MEIOB: variants seen among roughly 807,000 people sequenced by gnomAD.
MEIOB encodes meiosis-specific with OB domain-containing protein.
In MEIOB, 50 loss-of-function variants were observed where a neutral mutation model predicts 53.1. That is an observed-to-expected ratio of 0.94 (90% CI 0.75 to 1.19). MEIOB has a LOEUF of 1.19. MEIOB is among the 50% of genes most tolerant of loss of function. MEIOB has a pLI of 0.00. For synonymous variants in MEIOB, 192 were observed against 182.5 expected, an observed-to-expected ratio of 1.05 and a Z score of -0.42; for missense variants, 551 against 550.8, an observed-to-expected ratio of 1.00 and a Z score of 0.00.
At chr16:1,846,336 C>T (rs62038436) in intron 9 of MEIOB, among the ~76,000 whole-genome samples, 3 of 151,848 alleles carry the variant, frequency 2.0e-5, no homozygotes, top group African/African-American at 4.8e-5. Flanking sequence ...CTGACAATAG[C>T]GTTATCCTGA....
rs1386904236 is a variant in MEIOB, at chr16:1,857,754, A to T, written c.509T>A (p.Val170Glu). ...GHSLNGRIIN[V>E]LAAVKSVGEP... ...ACTTACCGATTTCACAGCTGCAAGC[A>T]CGTTAATAATCCTCCCATTAAGACT... The change falls in exon 6 of 14, where the codon GTG becomes GAG. Residue 170 changes from valine to glutamate, a missense_variant. Physicochemically the swap from Val to Glu is moderately radical, Grantham distance 121 (BLOSUM62 -2). Coordinates refer to ENST00000325962, the MANE Select transcript of MEIOB (RefSeq NM_001163560.3). 3.2e-6 allele frequency: 5 copies of T among 1,551,402 alleles called. No homozygotes were observed. The highest frequency in any genetic ancestry group is 4.4e-6 in the Non-Finnish European group (5 of 1,146,928).
At chr16:1,856,758 CCTT>C (rs779796901) in intron 6 of MEIOB, among the ~76,000 whole-genome samples, 3,351 of 104,198 alleles carry the variant, frequency 0.032, 65 homozygotes, top group Non-Finnish European at 0.046. Context: ...CCACGCCAGG[CCTT>C]TTTTTTTTTT....
rs181558302 is a variant in MEIOB at position 1,861,493 on chromosome 16, T to C, written c.259+492A>G. ...TTTAGTAAAAATATAACTATCACATTTGTATGCTTCAAATAACATTCTGAA... is the reference window on the plus strand; with the variant it reads ...TTTAGTAAAAATATAACTATCACATCTGTATGCTTCAAATAACATTCTGAA... On this transcript the variant is annotated intron_variant, in intron 4 of 13. Transcript: ENST00000325962. 3.3e-5 allele frequency among the ~76,000 whole-genome samples: 5 copies of C among 152,072 alleles called. No homozygotes were observed. In the East Asian group the frequency reaches 9.6e-4, roughly 29 times the overall value.
At chr16:1,865,981 C>T in intron 2 of MEIOB, 146 bp from the exon 3 acceptor site, 1 of 596,458 alleles carries the variant, frequency 1.7e-6, no homozygotes, top group Non-Finnish European at 2.9e-6. Flanking sequence ...AGGCAAACAT[C>T]TAAAAGAAGT....
chr16:1,865,407 G>A (rs184313078), intron 3 of MEIOB, among the ~76,000 whole-genome samples: 14 of 148,414 alleles, frequency 9.4e-5, no homozygotes, highest in African/African-American at 3.2e-4. Context: ...ACTCCAGCCT[G>A]AGTGACAGAG....
At chr16:1,855,753 T>A (rs962219876) in intron 6 of MEIOB, among the ~76,000 whole-genome samples, 7 of 152,158 alleles carry the variant, frequency 4.6e-5, no homozygotes, top group Non-Finnish European at 7.3e-5. Flanking sequence ...TTCAAGATGA[T>A]CATATAGCGG....
intron 9 of MEIOB, among the ~76,000 whole-genome samples, chr16:1,847,069 A>C (rs62038441): frequency 0.18 from 26,531 of 151,588 alleles, 2,419 homozygotes; most frequent in South Asian, 0.26. Context: ...GCAGGGGAAT[A>C]ACTTGAACCC....
intron 9 of MEIOB, among the ~76,000 whole-genome samples, chr16:1,847,984 G>GT (rs1899066438): frequency 6.6e-6 from 1 of 152,004 alleles, no homozygotes; most frequent in Non-Finnish European, 1.5e-5. Flanking sequence ...GTCTTGCTCT[G>GT]TCACCGAGGC....
intron 9 of MEIOB, among the ~76,000 whole-genome samples, chr16:1,849,937 C>G (rs1469474201): frequency 3.3e-5 from 5 of 152,076 alleles, no homozygotes; most frequent in African/African-American, 1.2e-4. Flanking sequence ...ATACATATTT[C>G]AAAACAACAT....
intron 6 of MEIOB, among the ~76,000 whole-genome samples, chr16:1,857,413 G>A (rs1157877219): frequency 4.6e-5 from 7 of 152,162 alleles, no homozygotes; most frequent in African/African-American, 1.2e-4. Context: ...GGAGATTTTC[G>A]AGTCAATAAG....
chr16:1,862,083 G>C lies in MEIOB; in HGVS notation c.161C>G (p.Thr54Ser). Reference protein sequence around the residue: ...IGSERYTFSFTIRDSPAHFVN... With the variant: ...IGSERYTFSFSIRDSPAHFVN... ...AAAATGTGCTGGTGAATCCCGAATG[G>C]TGAAGCTGAAAGTGTACCTTTCTGA... Residue 54 changes from threonine (T) to serine (S), a missense_variant, in exon 4 of 14, where the codon ACC becomes AGC. Coordinates refer to ENST00000325962, the MANE Select transcript of MEIOB (RefSeq NM_001163560.3). 1 of 1,551,246 alleles carries C rather than the reference G, an allele frequency of 6.4e-7. No homozygotes were observed.
chr16:1,839,222 T>C (rs1898832701), intron 12 of MEIOB, 33 bp downstream of exon 12: 2 of 1,522,016 alleles, frequency 1.3e-6, no homozygotes, highest in East Asian at 2.4e-5. Flanking sequence ...ACTTTGGAAA[T>C]ATTCTAAACA....
intron 6 of MEIOB, among the ~76,000 whole-genome samples, chr16:1,855,931 C>CTTTTTTTTT (rs34688365): frequency 2.0e-4 from 26 of 131,272 alleles, no homozygotes; most frequent in African/African-American, 7.2e-4. Context: ...GTGTTTTTTC[C>CTTTTTTTTT]TTTTTTTTTT....
rs373473943 is a variant in MEIOB at position 1,839,286 on chromosome 16, C to T, written c.1187G>A (p.Gly396Glu). The T allele has an allele frequency of 2.5e-6, 4 of 1,613,436 alleles. No individual in the cohort carries two copies. Among genetic ancestry groups the T allele is most frequent in the Non-Finnish European group, 2.5e-6 (3 of 1,179,786 alleles). Reference protein sequence around the residue: ...TGTLHSCSLTGSVAEETLGCT... With the variant: ...TGTLHSCSLTESVAEETLGCT... Reference sequence around the variant, plus strand: ...GCCCAAAGTCTCCTCAGCAACACTTCCTGTGAGACTACAGGAATGAAGGGT... The same window carrying T: ...GCCCAAAGTCTCCTCAGCAACACTTTCTGTGAGACTACAGGAATGAAGGGT... The change falls in exon 12 of 14, where the codon GGA becomes GAA. Residue 396 changes from glycine (G) to glutamate (E), a missense_variant. By Grantham distance (98) the Gly-to-Glu change is moderately conservative. Transcript: ENST00000325962.
intron 6 of MEIOB, among the ~76,000 whole-genome samples, chr16:1,856,186 C>T (rs1255027691): frequency 1.4e-5 from 2 of 146,546 alleles, no homozygotes; most frequent in East Asian, 2.0e-4. Context: ...GACGGAGTCT[C>T]GTTCTGTCGC....
chr16:1,867,178 C>T (rs1899613874), intron 2 of MEIOB, among the ~76,000 whole-genome samples: 1 of 152,072 alleles, frequency 6.6e-6, no homozygotes, highest in Admixed American at 6.6e-5. Context: ...GCAGAGTGCT[C>T]AGGGGCAGGG....
intron 13 of MEIOB, among the ~76,000 whole-genome samples, chr16:1,834,746 A>G (rs577657829): frequency 1.1e-4 from 16 of 152,048 alleles, no homozygotes; most frequent in African/African-American, 3.9e-4. Flanking sequence ...CAGCCTGGCT[A>G]ACATGGTGAA....
intron 13 of MEIOB, among the ~76,000 whole-genome samples, chr16:1,834,923 G>A (rs542906923): frequency 3.0e-4 from 44 of 148,622 alleles, no homozygotes; most frequent in African/African-American, 1.0e-3. Flanking sequence ...CAACTAGAGC[G>A]AAACTCTGTC....
Position 1,841,999 on chromosome 16 carries a change from T to C in MEIOB, c.881-26A>G, listed in dbSNP as rs748101915. ...CTAAAAACAGAAAGAAGTATTACAGTTCTGTATATATTCTAAAAAATATAA... is the reference window on the plus strand; with the variant it reads ...CTAAAAACAGAAAGAAGTATTACAGCTCTGTATATATTCTAAAAAATATAA... On this transcript the variant is annotated intron_variant, in intron 10 of 13. Coordinates refer to ENST00000325962, the MANE Select transcript of MEIOB (RefSeq NM_001163560.3). 4 of 1,443,080 alleles carry C rather than the reference T, an allele frequency of 2.8e-6. No homozygotes were observed. The South Asian group carries it at 6.1e-5, about 22-fold the overall frequency. 89.4% of individuals were successfully genotyped at this position (1,443,080 alleles called of 1,614,324 possible).
Sources: gnomAD v4.1 joint callset for allele counts (sites outside exome capture counted in the v4.1 genomes callset) on GRCh38, gnomAD v4.1.1 for gene constraint, MANE v1.5 for transcripts, NCBI Gene and HGNC (gene_info 2026-07-23, HGNC 2026-07-21) for gene names.